The following RBFOX1 variants were observed in gnomAD, a reference collection of about 807,000 sequenced individuals.
RBFOX1 encodes the protein RNA binding fox-1 homolog 1, also known as RNA binding protein fox-1 homolog 1.
Under a neutral mutation model 57.7 loss-of-function variants are expected in RBFOX1, and 8 were observed. The ratio of observed to expected loss-of-function variants is 0.14; its 90% CI spans 0.08 to 0.25. The LOEUF (loss-of-function observed/expected upper bound fraction) is 0.25. RBFOX1 is among the 10% of genes least tolerant of loss of function. The pLI, the probability that RBFOX1 is intolerant of heterozygous loss-of-function variation, is 1.00. For missense variants in RBFOX1, 611 were observed against 548.5 expected (o/e 1.11, Z -1.14); for synonymous variants, 326 against 222.4 (o/e 1.47, Z -4.15).
At chr16:7,710,352 C>A in intron 15 of RBFOX1, 1 of 1,280,946 alleles carries the variant, frequency 7.8e-7, no homozygotes. Context: ...CAGTGAAAAT[C>A]CTTCCATTGT....
intron 4 of RBFOX1, among the ~76,000 whole-genome samples, chr16:7,223,718 A>G (rs2092902752): frequency 6.7e-6 from 1 of 149,220 alleles, no homozygotes; most frequent in Non-Finnish European, 1.5e-5. Context: ...TTCAGAAAAA[A>G]AAAAAAAAAA....
chr16:5,469,887 C>A (rs1297865308), intron 2 of RBFOX1, among the ~76,000 whole-genome samples: 1 of 152,174 alleles, frequency 6.6e-6, no homozygotes, highest in African/African-American at 2.4e-5. Context: ...ACATGATTAT[C>A]CATTCATCTA....
chr16:7,463,451 C>T (rs141465447), intron 4 of RBFOX1, among the ~76,000 whole-genome samples: 1 of 152,290 alleles, frequency 6.6e-6, no homozygotes, highest in East Asian at 1.9e-4. Flanking sequence ...TTGCAGTGAG[C>T]CAAGATTGCG....
chr16:6,381,846 T>C (rs762600361), intron 2 of RBFOX1, among the ~76,000 whole-genome samples: 110 of 152,240 alleles, frequency 7.2e-4, no homozygotes, highest in African/African-American at 2.6e-3. Flanking sequence ...GGTCAGTTTC[T>C]GCACGGGCTG....
intron 1 of RBFOX1, among the ~76,000 whole-genome samples, chr16:5,455,343 T>C (rs11649325): frequency 0.076 from 11,553 of 152,086 alleles, 588 homozygotes; most frequent in African/African-American, 0.14. Context: ...GATATATGGC[T>C]TTTTATGATA....
intron 1 of RBFOX1, among the ~76,000 whole-genome samples, chr16:5,341,761 T>C (rs2065037709): frequency 6.6e-6 from 1 of 152,152 alleles, no homozygotes; most frequent in African/African-American, 2.4e-5. Context: ...GTGGCCCCTT[T>C]TGTGGGGATG....
At chr16:5,249,969 G>C (rs1404634799) in intron 1 of RBFOX1, among the ~76,000 whole-genome samples, 1 of 151,818 alleles carries the variant, frequency 6.6e-6, no homozygotes, top group African/African-American at 2.4e-5. Context: ...GCAGGTTGCA[G>C]TGAGGAGCAG....
intron 12 of RBFOX1, among the ~76,000 whole-genome samples, chr16:7,659,396 C>T (rs893982800): frequency 6.6e-6 from 1 of 152,058 alleles, no homozygotes; most frequent in Non-Finnish European, 1.5e-5. Flanking sequence ...TATCTAAATC[C>T]GCAACCTGTA....
Position 7,696,345 on chromosome 16 carries a change from C to A in RBFOX1, c.996-12711C>A, listed in dbSNP as rs142811870. The stretch of plus-strand genomic sequence containing the variant: ...TGAGTAGGTCCTCATTCAGTAACAT[C>A]AAGAACCTTTGATGAGTTGGATTCT... On this transcript the variant is annotated intron_variant, in intron 14 of 15. Coordinates refer to ENST00000550418, the MANE Select transcript of RBFOX1 (RefSeq NM_018723.4). Among the ~76,000 whole-genome samples the A allele has an allele frequency of 1.5e-3, 222 of 152,236 alleles. 2 individuals carry two copies. The highest frequency in any genetic ancestry group is 5.2e-3 in the African/African-American group (217 of 41,534).
At chr16:7,417,232 G>A (rs1052164158) in intron 4 of RBFOX1, among the ~76,000 whole-genome samples, 9 of 151,906 alleles carry the variant, frequency 5.9e-5, no homozygotes, top group Middle Eastern at 3.4e-3. Flanking sequence ...TACTGGCTGG[G>A]CGTGGTGGTG....
At chr16:5,887,052 C>T (rs896408775) in intron 4 of RBFOX1, among the ~76,000 whole-genome samples, 1 of 152,304 alleles carries the variant, frequency 6.6e-6, no homozygotes, top group South Asian at 2.1e-4. Context: ...GGCCTCTACT[C>T]CCTAGATGTC....
chr16:6,967,764 A>C (rs2084603869), intron 3 of RBFOX1, among the ~76,000 whole-genome samples: 1 of 151,986 alleles, frequency 6.6e-6, no homozygotes, highest in Non-Finnish European at 1.5e-5. Flanking sequence ...CAGCTGTGGG[A>C]CCCTGGGGAA....
chr16:7,270,658 C>G (rs1339051225), intron 4 of RBFOX1, among the ~76,000 whole-genome samples: 1 of 152,094 alleles, frequency 6.6e-6, no homozygotes, highest in South Asian at 2.1e-4. Context: ...ATTAGACAAA[C>G]CTCTACTATT....
chr16:6,296,328 T>C (rs148707571), intron 1 of RBFOX1, among the ~76,000 whole-genome samples: 1 of 152,320 alleles, frequency 6.6e-6, no homozygotes, highest in East Asian at 1.9e-4. Flanking sequence ...GGGTGATCTT[T>C]TCTCTAGCAG....
At chr16:5,653,722 G>C (rs1441095577) in intron 3 of RBFOX1, among the ~76,000 whole-genome samples, 1 of 152,150 alleles carries the variant, frequency 6.6e-6, no homozygotes. Flanking sequence ...TTTTCCAAAA[G>C]TGCTTAGAGC....
intron 2 of RBFOX1, among the ~76,000 whole-genome samples, chr16:6,564,032 A>G (rs2097221084): frequency 6.6e-6 from 1 of 152,096 alleles, no homozygotes. Flanking sequence ...GCTTCTTCCC[A>G]GCAAGCTATT....
intron 1 of RBFOX1, among the ~76,000 whole-genome samples, chr16:5,287,968 C>G (rs995675532): frequency 6.6e-6 from 1 of 152,200 alleles, no homozygotes; most frequent in Admixed American, 6.5e-5. Context: ...GTTGAATGCA[C>G]TTTTGCCTGA....
intron 14 of RBFOX1, among the ~76,000 whole-genome samples, chr16:7,700,244 C>G (rs1568545015): frequency 6.6e-6 from 1 of 152,140 alleles, no homozygotes; most frequent in Non-Finnish European, 1.5e-5. Context: ...AGCTGCAGTC[C>G]TCTCAGTCTT....
chr16:7,706,269 A>T (rs1381994123), intron 14 of RBFOX1, among the ~76,000 whole-genome samples: 1 of 152,206 alleles, frequency 6.6e-6, no homozygotes, highest in Admixed American at 6.5e-5. Context: ...AATGAAATTT[A>T]TTAATCATAA....
Sources: allele counts gnomAD v4.1 joint callset (sites outside exome capture counted in the v4.1 genomes callset), GRCh38; gene constraint gnomAD v4.1.1; transcripts MANE v1.5; gene names NCBI Gene and HGNC (gene_info 2026-07-23, HGNC 2026-07-21).